Variants in DMRTC2 observed in about 807,000 individuals in gnomAD.
The protein encoded by DMRTC2 is doublesex- and mab-3-related transcription factor C2.
DMRTC2 carries 13 observed loss-of-function variants against 39.9 expected under a neutral mutation model. The ratio of observed to expected loss-of-function variants is 0.33; its 90% CI spans 0.21 to 0.52. DMRTC2 has a LOEUF of 0.52. Among genes scored for constraint, DMRTC2 ranks in the 20% least tolerant of loss-of-function variants. The probability of loss-of-function intolerance (pLI) is 0.96; values close to 1 mark genes in which losing one functional copy is unlikely to be tolerated. For missense variants in DMRTC2, 431 were observed against 472.8 expected (o/e 0.91, Z 0.82); for synonymous variants, 189 against 185.2 (o/e 1.02, Z -0.17).
rs368439382 is a variant in DMRTC2 at position 41,846,667 on chromosome 19, A to G, written c.-4-758A>G. Among the ~76,000 whole-genome samples the G allele has an allele frequency of 9.2e-5, 14 of 152,118 alleles. No individual in the cohort carries two copies. In the East Asian group the frequency reaches 2.5e-3, roughly 28 times the overall value. Reference sequence around the variant, plus strand: ...ACTGCCAGCTCTGCCTCCCGGGTTCACGCCATTCTCCTGCCTCAGCCTCTG... The same window carrying G: ...ACTGCCAGCTCTGCCTCCCGGGTTCGCGCCATTCTCCTGCCTCAGCCTCTG... On this transcript the variant is annotated intron_variant, in intron 1 of 8. Transcript: ENST00000269945.
At chr19:41,851,173 G>A (rs946829172) in intron 8 of DMRTC2, 6 of 205,712 alleles carry the variant, frequency 2.9e-5, no homozygotes, top group Non-Finnish European at 4.8e-5. Context: ...CACCTAGGGG[G>A]ACAGACAGGG....
At position 41,851,741 on chromosome 19, in the gene DMRTC2, G is replaced by A. The variant is rs190902622; in HGVS notation, c.*45G>A. On this transcript the variant is annotated 3_prime_UTR_variant, in exon 9 of 9. Transcript: ENST00000269945. ...GTCTTGCTATGGCAGGGAGGTGACA[G>A]CCTGCTGGCACTGTATATTTAGTGT... 1.7e-5 allele frequency: 26 copies of A among 1,510,070 alleles called. No individual in the cohort carries two copies. The East Asian group carries it at 2.9e-4, about 17-fold the overall frequency. 93.5% of individuals were successfully genotyped at this position (1,510,070 alleles called of 1,614,324 possible).
chr19:41,848,627 T>C, intron 4 of DMRTC2, 99 bp downstream of exon 4: 2 of 1,395,266 alleles, frequency 1.4e-6, no homozygotes, highest in Non-Finnish European at 2.0e-6. Context: ...GCCCCAGCCC[T>C]GGTTTGCTAT....
At chr19:41,850,265 C>G in intron 6 of DMRTC2, 47 bp from the exon 7 acceptor site, 1 of 1,437,590 alleles carries the variant, frequency 7.0e-7, no homozygotes, top group South Asian at 1.6e-5. Flanking sequence ...GTGTGCATGT[C>G]TGTTCATCTG....
Position 41,847,901 on chromosome 19 carries a change from G to A in DMRTC2, c.370+20G>A, listed in dbSNP as rs782765337. 3.2e-6 allele frequency: 5 copies of A among 1,568,112 alleles called. No homozygotes were observed. The highest frequency in any genetic ancestry group is 3.5e-6 in the Non-Finnish European group (4 of 1,155,908). Reference sequence around the variant, plus strand: ...TCCCCTGTGAGTGTCTCTGACCAGCGATGGGGCAGGAGTTTGGGTACAGGA... The same window carrying A: ...TCCCCTGTGAGTGTCTCTGACCAGCAATGGGGCAGGAGTTTGGGTACAGGA... On this transcript the variant is annotated intron_variant, in intron 3 of 8. Coordinates refer to ENST00000269945, the MANE Select transcript of DMRTC2 (RefSeq NM_001040283.3).
rs2073957465 is a variant in DMRTC2, at chr19:41,851,575, T to G, written c.992-9T>G. The G allele has an allele frequency of 5.0e-6, 8 of 1,613,544 alleles. No individual in the cohort carries two copies. Among genetic ancestry groups the G allele is most frequent in the Non-Finnish European group, 6.8e-6 (8 of 1,179,530 alleles). ...TGACCTGATCCTGCCCCTTCCTTCT[T>G]GCCTGTAGCTCCTGCTGGAGGAAGA... On this transcript the variant is annotated splice_polypyrimidine_tract_variant and intron_variant, in intron 8 of 8. Transcript: ENST00000269945.
chr19:41,850,185 C>A, intron 6 of DMRTC2, 127 bp from the exon 7 acceptor site: 1 of 733,002 alleles, frequency 1.4e-6, no homozygotes, highest in South Asian at 4.3e-5. Flanking sequence ...AGTCAAGACA[C>A]AGCTTAATGG....
At chr19:41,845,264 TC>T (rs2073804578) in intron 1 of DMRTC2, 163 bp downstream of exon 1, 1 of 152,110 alleles carries the variant, frequency 6.6e-6, no homozygotes, top group South Asian at 2.1e-4. Flanking sequence ...CTTGGCGCGT[TC>T]CCGGTTCCCC....
chr19:41,845,168 A>G (rs2073799802), intron 1 of DMRTC2, 67 bp downstream of exon 1: 2 of 151,300 alleles, frequency 1.3e-5, no homozygotes, highest in Admixed American at 1.3e-4. Flanking sequence ...TCTTAGCCGG[A>G]CTCCCTAACC....
chr19:41,847,027 T>TA (rs1446628488), intron 1 of DMRTC2, among the ~76,000 whole-genome samples: 21 of 147,314 alleles, frequency 1.4e-4, no homozygotes, highest in African/African-American at 2.7e-4. Flanking sequence ...CATACAAAAA[T>TA]AAAAAAAAAT....
rs782580801 is a variant in DMRTC2, at chr19:41,849,018, C to T, written c.628+43C>T. On this transcript the variant is annotated intron_variant, in intron 5 of 8. Transcript: ENST00000269945. ...CATTCATTCAACATATATTTGAGTGCCAATCTGCCACATATTGGAGAGGGA... is the reference window on the plus strand; with the variant it reads ...CATTCATTCAACATATATTTGAGTGTCAATCTGCCACATATTGGAGAGGGA... The T allele has an allele frequency of 8.1e-6, 13 of 1,612,248 alleles. No homozygotes were observed. In the South Asian group the frequency reaches 1.1e-4, roughly 14 times the overall value.
Position 41,849,274 on chromosome 19 carries a change from G to A in DMRTC2, c.755+18G>A. 1 of 1,613,294 alleles carries A rather than the reference G, an allele frequency of 6.2e-7. No individual in the cohort carries two copies. The highest frequency in any genetic ancestry group is 8.5e-7 in the Non-Finnish European group (1 of 1,179,644). On this transcript the variant is annotated intron_variant, in intron 6 of 8. Coordinates refer to ENST00000269945, the MANE Select transcript of DMRTC2 (RefSeq NM_001040283.3). ...CCCCGCACGTGAGTAGGGAGAGAAG[G>A]ATGTGTATCATAAGCCTAAGCCTGT...
At chr19:41,849,652 G>A (rs2073925786) in intron 6 of DMRTC2, among the ~76,000 whole-genome samples, 1 of 152,200 alleles carries the variant, frequency 6.6e-6, no homozygotes. Context: ...GGGGCCAGAG[G>A]CCATTAGGAA....
intron 1 of DMRTC2, among the ~76,000 whole-genome samples, chr19:41,847,032 A>C (rs1320146237): frequency 6.6e-6 from 1 of 151,738 alleles, no homozygotes; most frequent in Non-Finnish European, 1.5e-5. Context: ...AAAAATAAAA[A>C]AAAATAGCCG....
chr19:41,850,322 C>A lies in DMRTC2; in HGVS notation c.766C>A (p.Leu256Met). ...PPSQPRTHST[L>M]ILQPCGTPDP... Reference sequence around the variant, plus strand: ...TCTCCTTGTTTCTAGACACTCAACTCTGATACTCCAGCCCTGTGGCACCCC... The same window carrying A: ...TCTCCTTGTTTCTAGACACTCAACTATGATACTCCAGCCCTGTGGCACCCC... Residue 256 changes from leucine to methionine, a missense_variant, in exon 7 of 9, where the codon CTG becomes ATG. Transcript: ENST00000269945. 2.0e-6 allele frequency: 3 copies of A among 1,502,150 alleles called. No homozygotes were observed. Among genetic ancestry groups the A allele is most frequent in the Non-Finnish European group, 2.7e-6 (3 of 1,126,202 alleles). 93.1% of individuals were successfully genotyped at this position (1,502,150 alleles called of 1,614,324 possible).
At position 41,847,850 on chromosome 19, in the gene DMRTC2, C is replaced by A; in HGVS notation, c.339C>A (p.Phe113Leu). The stretch of plus-strand genomic sequence containing the variant: ...CCTCTCCCAAAGCTCCCAACCACTT[C>A]AGAAAGGGAACCACTCAGCCACAGG... ...GEASPKAPNH[F>L]RKGTTQPQVP... The change falls in exon 3 of 9, where the codon TTC becomes TTA. Residue 113 changes from phenylalanine to leucine, a missense_variant. By Grantham distance (22) the Phe-to-Leu change is conservative. Coordinates refer to ENST00000269945, the MANE Select transcript of DMRTC2 (RefSeq NM_001040283.3). 1 of 1,591,626 alleles carries A rather than the reference C, an allele frequency of 6.3e-7. No individual in the cohort carries two copies. The highest frequency in any genetic ancestry group is 1.3e-5 in the African/African-American group (1 of 74,516).
At position 41,851,524 on chromosome 19, in the gene DMRTC2, G is replaced by A. The variant is rs555451581; in HGVS notation, c.992-60G>A. The A allele has an allele frequency of 1.8e-4, 252 of 1,401,188 alleles. 5 individuals are homozygous for A. In the South Asian group the frequency reaches 2.7e-3, roughly 15 times the overall value. 86.8% of individuals were successfully genotyped at this position (1,401,188 alleles called of 1,614,324 possible). ...CCTGGATTGGATTCGGTAAAAAGAG[G>A]GGGTTGCTAGAAGGAAAAACAGGTG... On this transcript the variant is annotated intron_variant, in intron 8 of 8. Transcript: ENST00000269945.
chr19:41,848,457 AAGG>A lies in DMRTC2; in HGVS notation c.379_381del (p.Glu127del), dbSNP rs782498662. ...CTCTCCCTGGTCCTTCACAGCTGGA[AAGG>A]AGAACATAGCACCCCAGCCTCAGAC... On this transcript the variant is annotated inframe_deletion, in exon 4 of 9. Coordinates refer to ENST00000269945, the MANE Select transcript of DMRTC2 (RefSeq NM_001040283.3). 31 of 1,602,804 alleles carry A rather than the reference AAGG, an allele frequency of 1.9e-5. No homozygotes were observed. Among genetic ancestry groups the A allele is most frequent in the Non-Finnish European group, 1.3e-5 (15 of 1,174,738 alleles).
At chr19:41,849,426 TA>T (rs2073922344) in intron 6 of DMRTC2, among the ~76,000 whole-genome samples, 170 bp downstream of exon 6, 1 of 152,242 alleles carries the variant, frequency 6.6e-6, no homozygotes, top group African/African-American at 2.4e-5. Flanking sequence ...TTTGGACAAT[TA>T]TCTTTACCTC....
Sources: allele counts gnomAD v4.1 joint callset (sites outside exome capture counted in the v4.1 genomes callset), GRCh38; gene constraint gnomAD v4.1.1; transcripts MANE v1.5; gene names NCBI Gene and HGNC (gene_info 2026-07-23, HGNC 2026-07-21).